FRAS1: variants seen among roughly 807,000 people sequenced by gnomAD.
FRAS1 encodes Fraser extracellular matrix complex subunit 1, also known as extracellular matrix organizing protein FRAS1.
Under a neutral mutation model 435.2 loss-of-function variants are expected in FRAS1, and 290 were observed. That is an observed-to-expected ratio of 0.67 (90% CI 0.61 to 0.73). The LOEUF is 0.73. FRAS1 is among the 30% of genes least tolerant of loss of function. The pLI is 0.00. For synonymous variants in FRAS1, 1,800 were observed against 1,851.0 expected (o/e 0.97, Z 0.71); for missense variants, 4,860 against 5,001.5 (o/e 0.97, Z 0.85).
In FRAS1 at chr4:78,252,475, ACCG is replaced by A; in HGVS notation, c.395_397del (p.Pro132del). On this transcript the variant is annotated inframe_deletion, in exon 5 of 74. Transcript: ENST00000512123. The stretch of plus-strand genomic sequence containing the variant: ...TCCGATGTACCCCCCAACCATGCCC[ACCG>A]CTGTCATGTGGACACCAGGAGCTGG... The A allele has an allele frequency of 6.2e-7, 1 of 1,613,254 alleles. No homozygotes were observed. Among genetic ancestry groups the A allele is most frequent in the Non-Finnish European group, 8.5e-7 (1 of 1,179,750 alleles).
chr4:78,243,871 C>T (rs1455321867), intron 3 of FRAS1, among the ~76,000 whole-genome samples: 2 of 152,138 alleles, frequency 1.3e-5, no homozygotes, highest in South Asian at 2.1e-4. Flanking sequence ...AGACTATCAA[C>T]ACTTAGATCA....
chr4:78,222,695 G>T (rs938386700), intron 2 of FRAS1, among the ~76,000 whole-genome samples: 3 of 152,166 alleles, frequency 2.0e-5, no homozygotes, highest in Admixed American at 2.0e-4. Flanking sequence ...TCTGCAGCCT[G>T]CTCTTTTGTT....
At chr4:78,087,544 A>T (rs953859439) in intron 2 of FRAS1, among the ~76,000 whole-genome samples, 3 of 152,202 alleles carry the variant, frequency 2.0e-5, no homozygotes, top group African/African-American at 7.2e-5. Context: ...TCAGCCCAAA[A>T]TCTCCTTAAG....
intron 2 of FRAS1, among the ~76,000 whole-genome samples, chr4:78,225,516 CTAAT>C (rs1350845024): frequency 2.0e-5 from 3 of 152,174 alleles, no homozygotes; most frequent in Non-Finnish European, 4.4e-5. Flanking sequence ...TGTTCCCTCT[CTAAT>C]TATTTATTTT....
intron 2 of FRAS1, among the ~76,000 whole-genome samples, chr4:78,103,829 G>C (rs1361395049): frequency 6.6e-6 from 1 of 152,178 alleles, no homozygotes; most frequent in Non-Finnish European, 1.5e-5. Flanking sequence ...AATTTCTATT[G>C]TTTATAAGCT....
At chr4:78,186,923 C>T (rs568785172) in intron 2 of FRAS1, among the ~76,000 whole-genome samples, 53 of 152,320 alleles carry the variant, frequency 3.5e-4, no homozygotes, top group African/African-American at 1.2e-3. Flanking sequence ...AATATATGTA[C>T]TTAGCTTCTC....
At chr4:78,319,049 G>T in intron 18 of FRAS1, 63 bp downstream of exon 18, 1 of 1,513,762 alleles carries the variant, frequency 6.6e-7, no homozygotes, top group African/African-American at 1.4e-5. Flanking sequence ...GATCCTGTGA[G>T]GTGGGACCAA....
intron 31 of FRAS1, among the ~76,000 whole-genome samples, chr4:78,412,680 CAT>C (rs2110359661): frequency 6.6e-6 from 1 of 152,146 alleles, no homozygotes; most frequent in South Asian, 2.1e-4. Flanking sequence ...TAAATATCAA[CAT>C]ATGAATATTC....
At chr4:78,382,958 T>A (rs1732077813) in intron 27 of FRAS1, among the ~76,000 whole-genome samples, 1 of 152,230 alleles carries the variant, frequency 6.6e-6, no homozygotes, top group Admixed American at 6.5e-5. Flanking sequence ...CCACATTCTT[T>A]CATGTATAAA....
In FRAS1 at chr4:78,365,701, C is replaced by T. The variant is rs371789638; in HGVS notation, c.2722+1647C>T. On this transcript the variant is annotated intron_variant, in intron 22 of 73. Coordinates refer to ENST00000512123, the MANE Select transcript of FRAS1 (RefSeq NM_025074.7). ...ATTTCATTCTGAGATTGAAAAAATA[C>T]GCTCCTAAGTTGGGATATTTGAGTT... Among the ~76,000 whole-genome samples, 200 of 145,850 alleles carry T rather than the reference C, an allele frequency of 1.4e-3. 1 individual carries two copies. Among genetic ancestry groups the T allele is most frequent in the African/African-American group, 6.5e-4 (25 of 38,562 alleles).
Position 78,148,957 on chromosome 4 carries a change from A to T in FRAS1, c.108+82941A>T, listed in dbSNP as rs373609972. ...TGGCAGCAGAAGGACCCCAAGAAAT[A>T]GTATTTTTTTAAAAAACTTTTGGAC... On this transcript the variant is annotated intron_variant, in intron 2 of 73. Coordinates refer to ENST00000512123, the MANE Select transcript of FRAS1 (RefSeq NM_025074.7). Among the ~76,000 whole-genome samples, 9 of 152,332 alleles carry T rather than the reference A, an allele frequency of 5.9e-5. No individual in the cohort carries two copies. In the East Asian group the frequency reaches 1.7e-3, roughly 29 times the overall value.
intron 28 of FRAS1, among the ~76,000 whole-genome samples, chr4:78,384,375 G>A (rs763631730): frequency 5.3e-5 from 8 of 152,098 alleles, no homozygotes; most frequent in South Asian, 2.1e-4. Flanking sequence ...AGTGTTTCAC[G>A]TAAGTAACTC....
chr4:78,255,100 G>A, intron 5 of FRAS1, 142 bp from the exon 6 acceptor site: 1 of 780,132 alleles, frequency 1.3e-6, no homozygotes, highest in Non-Finnish European at 2.2e-6. Context: ...GGTAGTGACT[G>A]CAGAGCATTG....
intron 56 of FRAS1, among the ~76,000 whole-genome samples, chr4:78,480,543 T>C (rs768145048): frequency 2.0e-5 from 3 of 152,054 alleles, no homozygotes; most frequent in African/African-American, 4.8e-5. Context: ...ATGTGATATA[T>C]TGAGGATGGA....
intron 2 of FRAS1, among the ~76,000 whole-genome samples, chr4:78,129,757 C>T (rs965786960): frequency 1.3e-5 from 2 of 152,186 alleles, no homozygotes; most frequent in Admixed American, 6.5e-5. Context: ...CTGCCTAAAA[C>T]TCTCAGTGGT....
chr4:78,374,216 G>A lies in FRAS1; in HGVS notation c.3116G>A (p.Gly1039Glu), dbSNP rs373600222. ...CAGTGTGTCCAGGAATGTGGGAAGG[G>A]GTACTTTGCAGATCATGCAAAGCAC... The part of the protein sequence containing the change: ...EAQCVQECGK[G>E]YFADHAKHKC... Residue 1039 changes from glycine (G) to glutamate (E), a missense_variant, in exon 25 of 74, where the codon GGG becomes GAG. Physicochemically the swap from Gly to Glu is moderately conservative, Grantham distance 98 (BLOSUM62 -2). Transcript: ENST00000512123. The A allele has an allele frequency of 3.1e-5, 49 of 1,601,706 alleles. No homozygotes were observed. Among genetic ancestry groups the A allele is most frequent in the Non-Finnish European group, 4.1e-5 (48 of 1,171,330 alleles).
chr4:78,492,685 TA>T (rs1450155752), intron 59 of FRAS1, among the ~76,000 whole-genome samples: 2 of 152,032 alleles, frequency 1.3e-5, no homozygotes, highest in Non-Finnish European at 2.9e-5. Context: ...CCTAAAACCA[TA>T]AAAATCCTAG....
chr4:78,059,269 T>C (rs954727707), intron 1 of FRAS1, among the ~76,000 whole-genome samples: 7 of 152,088 alleles, frequency 4.6e-5, no homozygotes, highest in Non-Finnish European at 1.0e-4. Context: ...CTCCAGTCAC[T>C]GGAGCAGCTG....
In FRAS1 at chr4:78,448,307, C is replaced by G. The variant is rs762022823; in HGVS notation, c.6265C>G (p.Leu2089Val). 3 of 1,606,568 alleles carry G rather than the reference C, an allele frequency of 1.9e-6. No homozygotes were observed. Among genetic ancestry groups the G allele is most frequent in the East Asian group, 2.2e-5 (1 of 44,748 alleles). The change falls in exon 44 of 74, where the codon CTC (leucine) becomes GTC (valine). Residue 2089 changes from leucine to valine, a missense_variant. Physicochemically the swap from Leu to Val is conservative, Grantham distance 32 (BLOSUM62 1). Coordinates refer to ENST00000512123, the MANE Select transcript of FRAS1 (RefSeq NM_025074.7). ...PHLAINQGLQ[L>V]SAGSVARITE... ...CTTGGCTATAAACCAAGGCCTACAG[C>G]TCTCAGCAGGTACCACAGAAATAAA...
Sources: gnomAD v4.1 joint callset for allele counts (sites outside exome capture counted in the v4.1 genomes callset) on GRCh38, gnomAD v4.1.1 for gene constraint, MANE v1.5 for transcripts, NCBI Gene and HGNC (gene_info 2026-07-23, HGNC 2026-07-21) for gene names.